Variants in PGBD5 observed in about 807,000 individuals in gnomAD.
The protein encoded by PGBD5 is piggyBac transposable element-derived protein 5.
Under a neutral mutation model 47.9 loss-of-function variants are expected in PGBD5, and 14 were observed. The ratio of observed to expected loss-of-function variants is 0.29; its 90% CI spans 0.19 to 0.46. PGBD5 has a LOEUF of 0.46. Ranked by LOEUF, PGBD5 falls within the 20% of genes least tolerant of loss-of-function variation. The pLI is 1.00. For synonymous variants in PGBD5, 316 were observed against 306.3 expected, an observed-to-expected ratio of 1.03 and a Z score of -0.33; for missense variants, 635 against 716.0, an observed-to-expected ratio of 0.89 and a Z score of 1.29.
intron 1 of PGBD5, among the ~76,000 whole-genome samples, chr1:230,393,230 G>A (rs1306288980): frequency 6.9e-6 from 1 of 144,890 alleles, no homozygotes; most frequent in Non-Finnish European, 1.5e-5. Flanking sequence ...AGGAGGAGAG[G>A]AGGAGGAAGG....
chr1:230,398,997 C>G (rs1343706504), intron 1 of PGBD5, among the ~76,000 whole-genome samples: 1 of 151,902 alleles, frequency 6.6e-6, no homozygotes, highest in African/African-American at 2.4e-5. Flanking sequence ...AGAACCTTTT[C>G]CCCACAAAAT....
At chr1:230,345,723 C>T (rs1667464722) in intron 3 of PGBD5, among the ~76,000 whole-genome samples, 1 of 152,056 alleles carries the variant, frequency 6.6e-6, no homozygotes, top group Non-Finnish European at 1.5e-5. Flanking sequence ...AGCTGCAGCT[C>T]CCAGTCAGCC....
In PGBD5 at chr1:230,425,297, G is replaced by A. The variant is rs566029671; in HGVS notation, c.331+301C>T. On this transcript the variant is annotated intron_variant, in intron 1 of 6. Coordinates refer to ENST00000391860, the MANE Select transcript of PGBD5 (RefSeq NM_001258311.2). The surrounding 1 kb of genome is among the most constrained non-coding windows in gnomAD (Gnocchi z 4.7). ...TCCACCCCTAAAAGTCCGACCCACA[G>A]GTGTGACAGACTTCCCATGCAGGGG... Among the ~76,000 whole-genome samples the A allele has an allele frequency of 6.6e-6, 1 of 152,276 alleles. No homozygotes were observed. The highest frequency in any genetic ancestry group is 2.1e-4 in the South Asian group (1 of 4,824).
At chr1:230,344,667 G>T (rs748617651) in intron 3 of PGBD5, among the ~76,000 whole-genome samples, 1 of 152,194 alleles carries the variant, frequency 6.6e-6, no homozygotes, top group African/African-American at 2.4e-5. Flanking sequence ...TGTCATGAGG[G>T]CTCTGCCTGG....
At chr1:230,376,590 C>T (rs1668018539) in intron 1 of PGBD5, among the ~76,000 whole-genome samples, 2 of 152,174 alleles carry the variant, frequency 1.3e-5, no homozygotes, top group Middle Eastern at 3.4e-3. Context: ...GCAGAGCTGC[C>T]CCCAGGGCAG....
At chr1:230,383,169 G>C (rs188980477) in intron 1 of PGBD5, among the ~76,000 whole-genome samples, 2 of 151,566 alleles carry the variant, frequency 1.3e-5, no homozygotes, top group African/African-American at 4.8e-5. Flanking sequence ...TCACAGGCTC[G>C]AGCAATCCTC....
In PGBD5 at chr1:230,425,635, C is replaced by A; in HGVS notation, c.294G>T (p.Leu98=). 4.9e-6 allele frequency: 6 copies of A among 1,220,822 alleles called. No homozygotes were observed. The highest frequency in any genetic ancestry group is 5.1e-6 in the Non-Finnish European group (5 of 980,944). 75.6% of individuals were successfully genotyped at this position (1,220,822 alleles called of 1,614,324 possible). Reference sequence around the variant, plus strand: ...CGAAGCGCGGGGGCGGGCGGTCCCGCAGCGCTGCGCTCCAGCCCGCGCCGG... The same window carrying A: ...CGAAGCGCGGGGGCGGGCGGTCCCGAAGCGCTGCGCTCCAGCCCGCGCCGG... The part of the protein sequence containing the change: ...DEAGAGWSAA[L]RDRPPPRFED... Residue 98 remains leucine (L), a synonymous_variant, in exon 1 of 7, where the codon CTG becomes CTT. Transcript: ENST00000391860. This position sits in a 1 kb window ranked among gnomAD's most constrained non-coding sequence, Gnocchi z 4.7.
At chr1:230,421,351 T>C (rs1657644099) in intron 1 of PGBD5, among the ~76,000 whole-genome samples, 1 of 152,016 alleles carries the variant, frequency 6.6e-6, no homozygotes, top group African/African-American at 2.4e-5. Flanking sequence ...ACCATAAAAA[T>C]AAATATTTTT....
At position 230,425,921 on chromosome 1, in the gene PGBD5, T is replaced by G; in HGVS notation, c.8A>C (p.Glu3Ala). 4.6e-6 allele frequency: 5 copies of G among 1,090,060 alleles called. No homozygotes were observed. Among genetic ancestry groups the G allele is most frequent in the Non-Finnish European group, 5.5e-6 (5 of 904,012 alleles). 67.5% of individuals were successfully genotyped at this position (1,090,060 alleles called of 1,614,324 possible). Reference sequence around the variant, plus strand: ...CCTCCTCCGCGCGCCCCCGCCGCCCTCGGCCATGGCCCCGGCCGCCGCCCG... The same window carrying G: ...CCTCCTCCGCGCGCCCCCGCCGCCCGCGGCCATGGCCCCGGCCGCCGCCCG... MA[E>A]GGGGARRRAP... is the part of the protein sequence containing the mutation. The change falls in exon 1 of 7, where the codon GAG (glutamate) becomes GCG (alanine). Residue 3 changes from glutamate (E) to alanine (A), a missense_variant. Physicochemically the swap from Glu to Ala is moderately radical, Grantham distance 107. Coordinates refer to ENST00000391860, the MANE Select transcript of PGBD5 (RefSeq NM_001258311.2). This position sits in a 1 kb window ranked among gnomAD's most constrained non-coding sequence, Gnocchi z 4.7.
chr1:230,412,209 C>T (rs1428827906), intron 1 of PGBD5, among the ~76,000 whole-genome samples: 3 of 152,108 alleles, frequency 2.0e-5, no homozygotes, highest in African/African-American at 7.2e-5. Flanking sequence ...TTACAGTTGG[C>T]CCTTGAACAA....
At chr1:230,333,071 C>G (rs1667248615) in intron 4 of PGBD5, 30 bp from the exon 5 acceptor site, 1 of 1,563,824 alleles carries the variant, frequency 6.4e-7, no homozygotes, top group African/African-American at 1.4e-5. Context: ...GGATCGCACA[C>G]TCACCACCAT....
Position 230,317,747 on chromosome 1 carries a change from T to C in PGBD5, c.*5678A>G, listed in dbSNP as rs1271601912. The C allele has an allele frequency of 6.6e-6, 1 of 152,108 alleles. No individual in the cohort carries two copies. The highest frequency in any genetic ancestry group is 2.4e-5 in the African/African-American group (1 of 41,406). 9.4% of individuals were successfully genotyped at this position (152,108 alleles called of 1,614,324 possible). A position where few individuals can be genotyped will look rare whatever the true frequency, so the allele number is the denominator to read the frequency against. Reference sequence around the variant, plus strand: ...CACACTCCTCCATCGTCTTCCTAGGTCTTTCACACAAGCCGATGTCCTCCC... The same window carrying C: ...CACACTCCTCCATCGTCTTCCTAGGCCTTTCACACAAGCCGATGTCCTCCC... On this transcript the variant is annotated 3_prime_UTR_variant, in exon 7 of 7. Coordinates refer to ENST00000391860, the MANE Select transcript of PGBD5 (RefSeq NM_001258311.2).
At chr1:230,335,808 GACAC>G (rs141038472) in intron 4 of PGBD5, among the ~76,000 whole-genome samples, 1 of 6,660 alleles carries the variant, frequency 1.5e-4, no homozygotes, top group African/African-American at 3.5e-4. Flanking sequence ...AAGACACACA[GACAC>G]ATACACTGAC....
At chr1:230,337,385 C>T (rs1667343638) in intron 3 of PGBD5, 97 bp from the exon 4 acceptor site, 1 of 1,210,154 alleles carries the variant, frequency 8.3e-7, no homozygotes, top group Non-Finnish European at 1.1e-6. Context: ...TCTCAGTCAT[C>T]CAGTTGGGAG....
intron 1 of PGBD5, among the ~76,000 whole-genome samples, chr1:230,385,459 G>GA (rs1162800174): frequency 7.2e-5 from 11 of 152,158 alleles, no homozygotes; most frequent in Non-Finnish European, 1.6e-4. Flanking sequence ...ACCCACGACT[G>GA]AGATTCCACT....
At chr1:230,354,458 G>C (rs922312236) in intron 2 of PGBD5, among the ~76,000 whole-genome samples, 1 of 152,230 alleles carries the variant, frequency 6.6e-6, no homozygotes. Flanking sequence ...CAAGAGGCCA[G>C]AGAGCAAGGG....
chr1:230,343,931 T>A (rs1448170175), intron 3 of PGBD5, among the ~76,000 whole-genome samples: 2 of 152,154 alleles, frequency 1.3e-5, no homozygotes, highest in African/African-American at 4.8e-5. Flanking sequence ...ATACTTGGCT[T>A]TTTGTCTAAA....
intron 1 of PGBD5, among the ~76,000 whole-genome samples, chr1:230,404,920 C>A: frequency 8.5e-6 from 1 of 118,058 alleles, no homozygotes; most frequent in African/African-American, 3.2e-5. Flanking sequence ...AGCGAAACTC[C>A]ATCTCAAAAA....
chr1:230,370,909 A>G (rs1238251736), intron 1 of PGBD5, among the ~76,000 whole-genome samples: 1 of 152,212 alleles, frequency 6.6e-6, no homozygotes, highest in Non-Finnish European at 1.5e-5. Flanking sequence ...GAAAGCCCTC[A>G]GGCACAGACG....
Sources: allele counts gnomAD v4.1 joint callset (sites outside exome capture counted in the v4.1 genomes callset), GRCh38; gene constraint gnomAD v4.1.1; non-coding constraint Gnocchi (gnomAD v3.1); transcripts MANE v1.5; gene names NCBI Gene and HGNC (gene_info 2026-07-23, HGNC 2026-07-21).